Variants in PTPN7 observed in about 807,000 individuals in gnomAD.
PTPN7 encodes protein tyrosine phosphatase non-receptor type 7.
PTPN7 carries 33 observed loss-of-function variants against 50.3 expected under a neutral mutation model. The observed-to-expected ratio is 0.66, with a 90% CI of 0.50 to 0.88. The LOEUF (loss-of-function observed/expected upper bound fraction) is 0.88, where lower values mean the gene tolerates loss of function less well. Ranked by LOEUF, PTPN7 falls within the 40% of genes least tolerant of loss-of-function variation. The pLI is 0.00. For synonymous variants in PTPN7, 185 were observed against 186.6 expected (o/e 0.99, Z 0.07); for missense variants, 412 against 475.4 (o/e 0.87, Z 1.24).
intron 8 of PTPN7, 90 bp from the exon 9 acceptor site, chr1:202,150,514 C>G: frequency 1.0e-6 from 1 of 974,672 alleles, no homozygotes; most frequent in Non-Finnish European, 1.6e-6. Flanking sequence ...GAAATGGGAC[C>G]TGCAGGTGCT....
At chr1:202,158,644 G>C in intron 2 of PTPN7, 2 of 237,478 alleles carry the variant, frequency 8.4e-6, no homozygotes, top group Non-Finnish European at 8.1e-6. Flanking sequence ...TGGGATTATA[G>C]GCATGAGCCA....
In PTPN7 at chr1:202,152,687, G is replaced by A. The variant is rs145836569; in HGVS notation, c.730C>T (p.Arg244Cys). ...RQLTIQYQEERRSVKHILFSA... is the reference protein window; with the variant it reads ...RQLTIQYQEECRSVKHILFSA... ...AAGAGGATGTGCTTTACTGACCGGCGCTCTTCCTGGTACTGGATTGGAGAC... is the reference window on the plus strand; with the variant it reads ...AAGAGGATGTGCTTTACTGACCGGCACTCTTCCTGGTACTGGATTGGAGAC... The change falls in exon 8 of 10, where the codon CGC becomes TGC. Residue 244 changes from arginine (R) to cysteine (C), a missense_variant. Arg to Cys is a radical substitution (Grantham distance 180). Coordinates refer to ENST00000691036, the MANE Select transcript of PTPN7 (RefSeq NM_002832.4). The A allele has an allele frequency of 1.9e-4, 302 of 1,614,040 alleles. 1 individual carries two copies. In the African/African-American group the frequency reaches 2.4e-3, roughly 13 times the overall value.
In PTPN7 at chr1:202,150,400, G is replaced by C; in HGVS notation, c.900C>G (p.Cys300Trp). The part of the protein sequence containing the change: ...HCSAGIGRTG[C>W]FIATRIGCQQ... The stretch of plus-strand genomic sequence containing the variant: ...GACAGCCAATTCGCGTGGCGATGAA[G>C]CAGCCCGTCCGGCCAATCCCTGCAC... The change falls in exon 9 of 10, where the codon TGC (cysteine) becomes TGG (tryptophan). Residue 300 changes from cysteine (C) to tryptophan (W), a missense_variant. Transcript: ENST00000691036. 1 of 1,610,630 alleles carries C rather than the reference G, an allele frequency of 6.2e-7. No individual in the cohort carries two copies. The highest frequency in any genetic ancestry group is 8.5e-7 in the Non-Finnish European group (1 of 1,178,326).
At chr1:202,150,736 C>T (rs1212185300) in intron 8 of PTPN7, among the ~76,000 whole-genome samples, 1 of 152,156 alleles carries the variant, frequency 6.6e-6, no homozygotes, top group Non-Finnish European at 1.5e-5. Flanking sequence ...TGGTTTCCAA[C>T]AGACAGTTTC....
chr1:202,152,861 C>T (rs1451062390), intron 7 of PTPN7, among the ~76,000 whole-genome samples, 162 bp from the exon 8 acceptor site: 1 of 152,216 alleles, frequency 6.6e-6, no homozygotes, highest in South Asian at 2.1e-4. Flanking sequence ...TTCTCCACCA[C>T]TTCCCCCTTC....
chr1:202,151,844 T>C (rs532475191), intron 8 of PTPN7, among the ~76,000 whole-genome samples: 1 of 152,284 alleles, frequency 6.6e-6, no homozygotes, highest in East Asian at 1.9e-4. Flanking sequence ...CACCAGCCTA[T>C]AAAACTGTCT....
intron 2 of PTPN7, chr1:202,158,928 C>G (rs1657006907): frequency 1.2e-5 from 3 of 253,846 alleles, no homozygotes; most frequent in Non-Finnish European, 2.3e-5. Context: ...CTGGCTCAGC[C>G]CTCTCCCTTT....
chr1:202,148,774 C>CAGTAGGACCACAGGGATGTT, intron 9 of PTPN7, 75 bp from the exon 10 acceptor site: 1 of 1,276,476 alleles, frequency 7.8e-7, no homozygotes, highest in Non-Finnish European at 1.1e-6. Flanking sequence ...TCAAACATCC[C>CAGTAGGACCACAGGGATGTT]TGTGGTCCTA....
At chr1:202,161,306 G>C (rs1437570296), upstream of PTPN7, 1 of 1,166,452 alleles carries the variant, frequency 8.6e-7, no homozygotes, top group Admixed American at 3.6e-5. Context: ...CTTGTGGGAG[G>C]GAGTCCGAGG....
upstream of PTPN7, chr1:202,160,983 T>C: frequency 7.0e-7 from 1 of 1,425,020 alleles, no homozygotes; most frequent in Non-Finnish European, 9.1e-7. This position sits in a 1 kb window ranked among gnomAD's most constrained non-coding sequence, Gnocchi z 4.8. Flanking sequence ...GGAGGCTTAT[T>C]TCTCCTTCTC....
At position 202,160,551 on chromosome 1, in the gene PTPN7, A is replaced by G; in HGVS notation, c.-59T>C. The G allele has an allele frequency of 6.5e-7, 1 of 1,547,800 alleles. No homozygotes were observed. The highest frequency in any genetic ancestry group is 8.7e-7 in the Non-Finnish European group (1 of 1,144,856). The stretch of plus-strand genomic sequence containing the variant: ...CCCCCCTTCAGATACTTACTGAAGC[A>G]GCTGTGGCCCCCAGGCTGCCTCTTG... On this transcript the variant is annotated 5_prime_UTR_variant, in exon 1 of 10. Coordinates refer to ENST00000691036, the MANE Select transcript of PTPN7 (RefSeq NM_002832.4). This position sits in a 1 kb window ranked among gnomAD's most constrained non-coding sequence, Gnocchi z 4.8.
rs759530199 is a variant in PTPN7 at position 202,157,834 on chromosome 1, GA to G, written c.307-12del. 1.4e-5 allele frequency: 23 copies of G among 1,611,806 alleles called. No homozygotes were observed. Among genetic ancestry groups the G allele is most frequent in the Non-Finnish European group, 1.8e-5 (21 of 1,177,944 alleles). On this transcript the variant is annotated splice_polypyrimidine_tract_variant and intron_variant, in intron 3 of 9. Transcript: ENST00000691036. ...GTTTGAAGGGATCTTCTGGCAGGGG[GA>G]GGAAATGGGTGAGCAGCTGACTCCT... is the stretch of plus-strand genomic sequence containing the variant.
chr1:202,159,299 T>A lies in PTPN7; in HGVS notation c.104A>T (p.His35Leu). Reference protein sequence around the residue: ...PPPEKTPAKKHVRLQERRGSN... With the variant: ...PPPEKTPAKKLVRLQERRGSN... ...ATCTCACCTCTCCTGCAGTCGCACA[T>A]GCTTCTTGGCTGGCGTTTTTTCAGG... The change falls in exon 2 of 10, where the codon CAT becomes CTT. Residue 35 changes from histidine (H) to leucine (L), a missense_variant. Transcript: ENST00000691036. The surrounding 1 kb of genome is among the most constrained non-coding windows in gnomAD (Gnocchi z 4.6). 1.9e-6 allele frequency: 3 copies of A among 1,614,174 alleles called. No individual in the cohort carries two copies. The highest frequency in any genetic ancestry group is 2.5e-6 in the Non-Finnish European group (3 of 1,180,016).
rs779578929 is a variant in PTPN7 at position 202,159,487 on chromosome 1, G to A, written c.-52-33C>T. The A allele has an allele frequency of 1.3e-6, 2 of 1,593,364 alleles. No homozygotes were observed. Among genetic ancestry groups the A allele is most frequent in the African/African-American group, 1.3e-5 (1 of 74,514 alleles). ...ACAGGGCCCTCCGCTGCTGTTCTCTGGCCTGCCTGATTGGCCAGAAGGAGG... is the reference window on the plus strand; with the variant it reads ...ACAGGGCCCTCCGCTGCTGTTCTCTAGCCTGCCTGATTGGCCAGAAGGAGG... On this transcript the variant is annotated intron_variant, in intron 1 of 9. Transcript: ENST00000691036. This position sits in a 1 kb window ranked among gnomAD's most constrained non-coding sequence, Gnocchi z 4.6.
rs540681085 is a variant in PTPN7 at position 202,159,444 on chromosome 1, A to G, written c.-42T>C. The G allele has an allele frequency of 9.9e-6, 16 of 1,613,570 alleles. No homozygotes were observed. In the East Asian group the frequency reaches 2.9e-4, roughly 29 times the overall value. On this transcript the variant is annotated 5_prime_UTR_variant, in exon 2 of 10. The change abolishes an upstream ATG in the 5' untranslated region. Coordinates refer to ENST00000691036, the MANE Select transcript of PTPN7 (RefSeq NM_002832.4). This position sits in a 1 kb window ranked among gnomAD's most constrained non-coding sequence, Gnocchi z 4.6. Reference sequence around the variant, plus strand: ...GGGCCCAGGGGAGGCTCACTCAGCCATGAGGTCTGCCTGAAAGACAGGGCC... The same window carrying G: ...GGGCCCAGGGGAGGCTCACTCAGCCGTGAGGTCTGCCTGAAAGACAGGGCC...
At chr1:202,156,797 C>G (rs1342657260) in intron 4 of PTPN7, among the ~76,000 whole-genome samples, 2 of 152,178 alleles carry the variant, frequency 1.3e-5, no homozygotes, top group Non-Finnish European at 2.9e-5. Flanking sequence ...AAGCCTCAAG[C>G]TGGGAGTAGC....
upstream of PTPN7, chr1:202,161,208 C>T (rs1406428853): frequency 2.7e-6 from 3 of 1,114,968 alleles, no homozygotes; most frequent in Admixed American, 4.2e-5. Flanking sequence ...CCAAAAAGGT[C>T]GTCTCCACGC....
Position 202,159,286 on chromosome 1 carries a change from C to A in PTPN7, c.117G>T (p.Gln39His), listed in dbSNP as rs1399215700. Residue 39 changes from glutamine to histidine, a missense_variant, in exon 2 of 10, where the codon CAG (glutamine) becomes CAT (histidine). Physicochemically the swap from Gln to His is conservative, Grantham distance 24. Transcript: ENST00000691036. The surrounding 1 kb of genome is among the most constrained non-coding windows in gnomAD (Gnocchi z 4.6). ...TCCCCCAGGGAAGATCTCACCTCTCCTGCAGTCGCACATGCTTCTTGGCTG... is the reference window on the plus strand; with the variant it reads ...TCCCCCAGGGAAGATCTCACCTCTCATGCAGTCGCACATGCTTCTTGGCTG... ...KTPAKKHVRL[Q>H]ERRGSNVALM... 1.2e-6 allele frequency: 2 copies of A among 1,614,050 alleles called. No homozygotes were observed. Among genetic ancestry groups the A allele is most frequent in the African/African-American group, 2.7e-5 (2 of 74,940 alleles).
At position 202,157,799 on chromosome 1, in the gene PTPN7, G is replaced by A. The variant is rs553027520; in HGVS notation, c.331C>T (p.Pro111Ser). Residue 111 changes from proline to serine, a missense_variant, in exon 4 of 10, where the codon CCC (proline) becomes TCC (serine). By Grantham distance (74) the Pro-to-Ser change is moderately conservative. Transcript: ENST00000691036. ...TGGCCAGGGATGTCCAGGTCTTCGG[G>A]GCTGACAAAGTTTGAAGGGATCTTC... The part of the protein sequence containing the change: ...FLKIPSNFVS[P>S]EDLDIPGHAS... 6.2e-7 allele frequency: 1 copy of A among 1,614,166 alleles called. No individual in the cohort carries two copies. Among genetic ancestry groups the A allele is most frequent in the Admixed American group, 1.7e-5 (1 of 60,030 alleles).
Sources: gnomAD v4.1 joint callset for allele counts (sites outside exome capture counted in the v4.1 genomes callset) on GRCh38, gnomAD v4.1.1 for gene constraint, Gnocchi (gnomAD v3.1) non-coding constraint, MANE v1.5 for transcripts, NCBI Gene and HGNC (gene_info 2026-07-23, HGNC 2026-07-21) for gene names.